VPS13B: variants seen among roughly 807,000 people sequenced by gnomAD.
VPS13B encodes the protein intermembrane lipid transfer protein VPS13B.
In VPS13B, 285 loss-of-function variants were observed where a neutral mutation model predicts 426.4. The ratio of observed to expected loss-of-function variants is 0.67; its 90% confidence interval spans 0.61 to 0.74. VPS13B has a LOEUF of 0.74. Among genes scored for constraint, VPS13B ranks in the 30% least tolerant of loss-of-function variants. VPS13B has a pLI of 0.00. For synonymous variants in VPS13B, 1,676 were observed against 1,676.4 expected, an observed-to-expected ratio of 1.00 and a Z score of 0.01; for missense variants, 4,537 against 4,782.6, an observed-to-expected ratio of 0.95 and a Z score of 1.51.
chr8:99,080,173 TTC>T (rs1197633285), intron 3 of VPS13B, among the ~76,000 whole-genome samples: 2 of 151,846 alleles, frequency 1.3e-5, no homozygotes, highest in Non-Finnish European at 2.9e-5. Context: ...TGCAAATATA[TTC>T]TGTCACTCTT....
intron 51 of VPS13B, among the ~76,000 whole-genome samples, chr8:99,829,857 C>G (rs1814944482): frequency 6.6e-6 from 1 of 152,250 alleles, no homozygotes; most frequent in Admixed American, 6.5e-5. Flanking sequence ...TCAGGCCCCT[C>G]TTCTGTAGGT....
intron 34 of VPS13B, among the ~76,000 whole-genome samples, chr8:99,646,966 G>T (rs1220568053): frequency 6.6e-6 from 1 of 151,930 alleles, no homozygotes; most frequent in Admixed American, 6.6e-5. Context: ...TTTTTTCTTT[G>T]TAAATTACTG....
chr8:99,827,116 T>G (rs1159689892), intron 51 of VPS13B, among the ~76,000 whole-genome samples: 17 of 152,234 alleles, frequency 1.1e-4, no homozygotes, highest in Admixed American at 1.1e-3. Flanking sequence ...CCTCTTTTTC[T>G]ATTGTTTGGA....
Position 99,076,316 on chromosome 8 carries a change from C to T in VPS13B, c.292-19996C>T, listed in dbSNP as rs577913148. On this transcript the variant is annotated intron_variant, in intron 3 of 61. Transcript: ENST00000357162. ...GAGAATGTTTTATGTGCTGATGAGT[C>T]GAATGTGTATTTTACAGCTGTTGGA... is the stretch of plus-strand genomic sequence containing the variant. Among the ~76,000 whole-genome samples the T allele has an allele frequency of 1.3e-4, 20 of 152,152 alleles. No individual in the cohort carries two copies. The Middle Eastern group carries it at 0.017, about 129-fold the overall frequency.
chr8:99,721,717 G>T (rs1833142131), intron 39 of VPS13B, among the ~76,000 whole-genome samples: 1 of 151,950 alleles, frequency 6.6e-6, no homozygotes, highest in African/African-American at 2.4e-5. Context: ...AAATCTACAG[G>T]TCATTCCTGA....
intron 16 of VPS13B, among the ~76,000 whole-genome samples, chr8:99,184,453 C>T (rs186162181): frequency 2.0e-5 from 3 of 152,070 alleles, no homozygotes; most frequent in African/African-American, 4.8e-5. Flanking sequence ...TATAAGAATT[C>T]ATTTTTGTTT....
intron 31 of VPS13B, among the ~76,000 whole-genome samples, chr8:99,559,800 G>C (rs1824801505): frequency 6.6e-6 from 1 of 152,124 alleles, no homozygotes; most frequent in Non-Finnish European, 1.5e-5. Context: ...TGCTGTTTTG[G>C]TTACTGTAGC....
At chr8:99,333,494 T>G (rs1290160686) in intron 19 of VPS13B, among the ~76,000 whole-genome samples, 1 of 151,854 alleles carries the variant, frequency 6.6e-6, no homozygotes, top group East Asian at 1.9e-4. Flanking sequence ...CTTGTTCAGA[T>G]TTCCCCTGCT....
At chr8:99,563,104 A>G (rs911781138) in intron 31 of VPS13B, among the ~76,000 whole-genome samples, 2 of 152,126 alleles carry the variant, frequency 1.3e-5, no homozygotes, top group African/African-American at 4.8e-5. Context: ...TCAAGGCTGC[A>G]TTGCGCTATG....
At chr8:99,275,027 C>T in intron 18 of VPS13B, 54 bp from the exon 19 acceptor site, 3 of 1,443,742 alleles carry the variant, frequency 2.1e-6, no homozygotes, top group Non-Finnish European at 2.8e-6. Context: ...ATCAAACATT[C>T]TCAAGTGACT....
intron 33 of VPS13B, among the ~76,000 whole-genome samples, chr8:99,612,470 T>C (rs139605603): frequency 6.6e-6 from 1 of 152,314 alleles, no homozygotes; most frequent in East Asian, 1.9e-4. Flanking sequence ...TTCTGCTGAC[T>C]TCCTGCCTTC....
chr8:99,839,206 T>C (rs1048891425), intron 54 of VPS13B, among the ~76,000 whole-genome samples: 1 of 152,236 alleles, frequency 6.6e-6, no homozygotes, highest in Non-Finnish European at 1.5e-5. Flanking sequence ...GATCTTTGAC[T>C]CTTAGCAGAC....
chr8:99,687,241 A>G (rs1047238664), intron 35 of VPS13B, among the ~76,000 whole-genome samples: 7 of 151,956 alleles, frequency 4.6e-5, no homozygotes, highest in African/African-American at 7.3e-5. Flanking sequence ...AAGCTGCAAG[A>G]CAAAGTCCCC....
At chr8:99,187,239 G>A (rs1422521184) in intron 16 of VPS13B, among the ~76,000 whole-genome samples, 2 of 151,976 alleles carry the variant, frequency 1.3e-5, no homozygotes, top group Non-Finnish European at 2.9e-5. Context: ...GGCGGTTCAG[G>A]AATTTGAACA....
chr8:99,340,790 G>C (rs1811196750), intron 19 of VPS13B: 2 of 340,884 alleles, frequency 5.9e-6, no homozygotes. Flanking sequence ...CAGCCAGCCT[G>C]TTGCAGTTGG....
intron 34 of VPS13B, among the ~76,000 whole-genome samples, chr8:99,646,494 C>T (rs933341434): frequency 1.3e-5 from 2 of 152,172 alleles, no homozygotes; most frequent in African/African-American, 4.8e-5. Context: ...CACTGTACTG[C>T]AGCCTGGATG....
Position 99,835,691 on chromosome 8 carries a change from A to G in VPS13B, c.9895A>G (p.Thr3299Ala). The change falls in exon 54 of 62, where the codon ACA becomes GCA. Residue 3299 changes from threonine to alanine, a missense_variant. This residue lies in a region of VPS13B where 4,311 missense variants were observed against 4,474.3 expected (regional missense o/e 0.96). Coordinates refer to ENST00000357162, the MANE Select transcript of VPS13B (RefSeq NM_152564.5). Reference sequence around the variant, plus strand: ...GAGAGTTGAACCTCTAGATGAAGTAACAACTGAGTGGAGTGATGCCATTGA... The same window carrying G: ...GAGAGTTGAACCTCTAGATGAAGTAGCAACTGAGTGGAGTGATGCCATTGA... The part of the protein sequence containing the change: ...LLRVEPLDEV[T>A]TEWSDAIDIN... The G allele has an allele frequency of 1.2e-6, 2 of 1,614,178 alleles. No homozygotes were observed. The highest frequency in any genetic ancestry group is 1.7e-6 in the Non-Finnish European group (2 of 1,180,026).
At chr8:99,357,937 T>A (rs1812268500) in intron 19 of VPS13B, among the ~76,000 whole-genome samples, 1 of 152,092 alleles carries the variant, frequency 6.6e-6, no homozygotes, top group Non-Finnish European at 1.5e-5. Flanking sequence ...GCAACTTTCT[T>A]TGCTTTTCTA....
At chr8:99,340,102 G>A (rs921368978) in intron 19 of VPS13B, among the ~76,000 whole-genome samples, 2 of 151,962 alleles carry the variant, frequency 1.3e-5, no homozygotes, top group African/African-American at 4.8e-5. Context: ...GAGCACTTTC[G>A]GACACCCAGG....
Sources: allele counts gnomAD v4.1 joint callset (sites outside exome capture counted in the v4.1 genomes callset), GRCh38; gene constraint gnomAD v4.1.1; regional missense constraint gnomAD v4.1.1; transcripts MANE v1.5; gene names NCBI Gene and HGNC (gene_info 2026-07-23, HGNC 2026-07-21).